GCLM: variants seen among roughly 807,000 people sequenced by gnomAD.
The protein encoded by GCLM is glutamate-cysteine ligase modifier subunit, also known as glutamate--cysteine ligase regulatory subunit.
A neutral mutation model predicts 36.0 loss-of-function variants in GCLM; 15 were observed. The observed-to-expected ratio is 0.42, with a 90% CI of 0.28 to 0.64. The LOEUF is 0.64. Ranked by LOEUF, GCLM falls within the 30% of genes least tolerant of loss-of-function variation. The probability of loss-of-function intolerance (pLI) is 0.25; values close to 1 mark genes in which losing one functional copy is unlikely to be tolerated. For synonymous variants in GCLM, 129 were observed against 122.8 expected (o/e 1.05, Z -0.34); for missense variants, 242 against 325.5 (o/e 0.74, Z 1.97).
chr1:93,902,697 G>A (rs1657002847), intron 2 of GCLM, among the ~76,000 whole-genome samples: 1 of 151,926 alleles, frequency 6.6e-6, no homozygotes, highest in African/African-American at 2.4e-5. Flanking sequence ...TTTATCTTAG[G>A]GTTTACTCTT....
intron 3 of GCLM, among the ~76,000 whole-genome samples, chr1:93,898,543 C>T (rs931726426): frequency 1.3e-5 from 2 of 151,968 alleles, no homozygotes; most frequent in Admixed American, 6.6e-5. Flanking sequence ...TCTCATTATA[C>T]TGCCCAGGCT....
chr1:93,903,632 T>C (rs1657041047), intron 2 of GCLM, among the ~76,000 whole-genome samples: 1 of 151,946 alleles, frequency 6.6e-6, no homozygotes, highest in South Asian at 2.1e-4. Flanking sequence ...ATCACAAGCA[T>C]TGTAAACCAA....
intron 1 of GCLM, 177 bp downstream of exon 1, chr1:93,908,861 G>C: frequency 2.3e-6 from 1 of 437,150 alleles, no homozygotes; most frequent in Non-Finnish European, 3.9e-6. Flanking sequence ...CTCGGCAGCG[G>C]GTTTGGACCC....
Position 93,909,125 on chromosome 1 carries a change from C to T in GCLM, c.39G>A (p.Ala13=). 1 of 1,414,132 alleles carries T rather than the reference C, an allele frequency of 7.1e-7. No homozygotes were observed. The highest frequency in any genetic ancestry group is 1.4e-5 in the South Asian group (1 of 69,544). 87.6% of individuals were successfully genotyped at this position (1,414,132 alleles called of 1,614,324 possible). A position where few individuals can be genotyped will look rare whatever the true frequency, so the allele number is the denominator to read the frequency against. ...TCTGCAGGTGCAGGGTGCGGGCCCG[C>T]GCCAGGAGCGCCTTGGCCGCGCGGC... ...TDSRAAKALL[A]RARTLHLQTG... is the part of the protein sequence containing the mutation. The change falls in exon 1 of 7, where the codon GCG becomes GCA. Residue 13 remains alanine, a synonymous_variant. Coordinates refer to ENST00000370238, the MANE Select transcript of GCLM (RefSeq NM_002061.4).
intron 1 of GCLM, among the ~76,000 whole-genome samples, chr1:93,907,004 A>G (rs1317121905): frequency 6.6e-6 from 1 of 152,200 alleles, no homozygotes; most frequent in East Asian, 1.9e-4. Flanking sequence ...TAGAACTAGA[A>G]GAGACCTTGT....
In GCLM at chr1:93,909,213, G is replaced by A; in HGVS notation, c.-50C>T. ...CAGCGAAGGGGCTGCGGGCGGGCGG[G>A]CAGGCAGGCGGCCGCCCCACAGGAC... is the stretch of plus-strand genomic sequence containing the variant. On this transcript the variant is annotated 5_prime_UTR_variant, in exon 1 of 7. Coordinates refer to ENST00000370238, the MANE Select transcript of GCLM (RefSeq NM_002061.4). The A allele has an allele frequency of 3.5e-6, 4 of 1,144,558 alleles. No individual in the cohort carries two copies. In the South Asian group the frequency reaches 1.3e-4, roughly 37 times the overall value. 70.9% of individuals were successfully genotyped at this position (1,144,558 alleles called of 1,614,324 possible).
chr1:93,906,929 T>C (rs1480014512), intron 1 of GCLM, among the ~76,000 whole-genome samples: 1 of 152,176 alleles, frequency 6.6e-6, no homozygotes, highest in African/African-American at 2.4e-5. Flanking sequence ...TACAAACTAT[T>C]TGATTTCATA....
chr1:93,909,231 C>T lies in GCLM; in HGVS notation c.-68G>A. On this transcript the variant is annotated 5_prime_UTR_variant, in exon 1 of 7. Transcript: ENST00000370238. ...CGGGCGGGCAGGCAGGCGGCCGCCCCACAGGACGCGGTGCCCGAGGCCCGA... is the reference window on the plus strand; with the variant it reads ...CGGGCGGGCAGGCAGGCGGCCGCCCTACAGGACGCGGTGCCCGAGGCCCGA... 2 of 1,120,226 alleles carry T rather than the reference C, an allele frequency of 1.8e-6. No individual in the cohort carries two copies. Among genetic ancestry groups the T allele is most frequent in the Admixed American group, 5.0e-5 (1 of 20,184 alleles). The allele number at this position is 1,120,226 out of a possible 1,614,324, so 69.4% of individuals were successfully genotyped here.
chr1:93,899,827 T>C (rs1656881304), intron 3 of GCLM, among the ~76,000 whole-genome samples: 1 of 152,202 alleles, frequency 6.6e-6, no homozygotes, highest in Non-Finnish European at 1.5e-5. Context: ...ATTTGTAATA[T>C]TGAGGTTTTG....
chr1:93,903,496 T>G (rs1434921790), intron 2 of GCLM, among the ~76,000 whole-genome samples: 1 of 150,728 alleles, frequency 6.6e-6, no homozygotes, highest in African/African-American at 2.4e-5. Context: ...TTTTGTATTT[T>G]TAGTAGACAT....
At chr1:93,889,320 A>G (rs1557725267) in intron 6 of GCLM, among the ~76,000 whole-genome samples, 161 bp from the exon 7 acceptor site, 1 of 152,208 alleles carries the variant, frequency 6.6e-6, no homozygotes, top group Admixed American at 6.5e-5. Flanking sequence ...CTGAACCAGA[A>G]TATTAGAAAT....
At chr1:93,895,955 TTTTC>T (rs1374283114) in intron 5 of GCLM, among the ~76,000 whole-genome samples, 7 of 140,472 alleles carry the variant, frequency 5.0e-5, no homozygotes, top group South Asian at 4.3e-4. Context: ...AAAAGAAGGT[TTTTC>T]TTTCTTTTTT....
chr1:93,905,271 A>C (rs1052282587), intron 1 of GCLM, among the ~76,000 whole-genome samples: 1 of 152,284 alleles, frequency 6.6e-6, no homozygotes, highest in East Asian at 1.9e-4. Context: ...ACTAGAATTC[A>C]TATCACAACT....
rs866053002 is a variant in GCLM at position 93,896,213 on chromosome 1, G to A, written c.540+405C>T. On this transcript the variant is annotated intron_variant, in intron 5 of 6. Transcript: ENST00000370238. ...CCTGACCTCATGATCTGCTCGCCTCGGCCTCCCAAAGTGCTGGGATTACAG... is the reference window on the plus strand; with the variant it reads ...CCTGACCTCATGATCTGCTCGCCTCAGCCTCCCAAAGTGCTGGGATTACAG... Among the ~76,000 whole-genome samples the A allele has an allele frequency of 8.6e-5, 13 of 151,822 alleles. No individual in the cohort carries two copies. In the South Asian group the frequency reaches 1.7e-3, roughly 19 times the overall value.
At chr1:93,902,456 G>T (rs2100923153) in intron 2 of GCLM, among the ~76,000 whole-genome samples, 1 of 151,146 alleles carries the variant, frequency 6.6e-6, no homozygotes, top group South Asian at 2.1e-4. Flanking sequence ...GGGATTACAG[G>T]CATGAGCCAC....
In GCLM at chr1:93,901,640, T is replaced by C. The variant is rs371519356; in HGVS notation, c.222A>G (p.Val74=). ...REFPDVLECT[V]SHAVEKINPD... ...GATTTATCTTTTCTACTGCATGAGA[T>C]ACAGTGCATTCCAAGACATCTGGAA... Residue 74 remains valine (V), a synonymous_variant, in exon 3 of 7, where the codon GTA becomes GTG. Coordinates refer to ENST00000370238, the MANE Select transcript of GCLM (RefSeq NM_002061.4). 6.3e-7 allele frequency: 1 copy of C among 1,575,934 alleles called. No individual in the cohort carries two copies. The highest frequency in any genetic ancestry group is 8.7e-7 in the Non-Finnish European group (1 of 1,147,338).
chr1:93,906,353 T>C (rs718873), intron 1 of GCLM, among the ~76,000 whole-genome samples: 27,536 of 152,092 alleles, frequency 0.18, 2,647 homozygotes, highest in Admixed American at 0.3. Context: ...TTAGTAAAAA[T>C]GGAAGGAGCA....
At chr1:93,890,043 C>G (rs1656476140) in intron 6 of GCLM, among the ~76,000 whole-genome samples, 1 of 151,752 alleles carries the variant, frequency 6.6e-6, no homozygotes, top group South Asian at 2.1e-4. Context: ...TCCCAAGTAA[C>G]TGGGATTACA....
In GCLM at chr1:93,897,907, CAA is replaced by C; in HGVS notation, c.278-11_278-10del. The C allele has an allele frequency of 2.0e-6, 3 of 1,504,364 alleles. No homozygotes were observed. In the Admixed American group the frequency reaches 7.1e-5, roughly 35 times the overall value. The allele number at this position is 1,504,364 out of a possible 1,614,324, so 93.2% of individuals were successfully genotyped here. A position where few individuals can be genotyped will look rare whatever the true frequency, so the allele number is the denominator to read the frequency against. On this transcript the variant is annotated splice_polypyrimidine_tract_variant and intron_variant, in intron 3 of 6. Coordinates refer to ENST00000370238, the MANE Select transcript of GCLM (RefSeq NM_002061.4). Reference sequence around the variant, plus strand: ...TACAATGAACAGTTTTGCTGGGTAACAAAGAAAACAAAACTGATTACTACATT... The same window carrying C: ...TACAATGAACAGTTTTGCTGGGTAACAGAAAACAAAACTGATTACTACATT...
Sources: allele counts gnomAD v4.1 joint callset (sites outside exome capture counted in the v4.1 genomes callset), GRCh38; gene constraint gnomAD v4.1.1; transcripts MANE v1.5; gene names NCBI Gene and HGNC (gene_info 2026-07-23, HGNC 2026-07-21).